Variants in KNOP1 observed in about 807,000 individuals in gnomAD.
The protein encoded by KNOP1 is lysine-rich nucleolar protein 1.
Under a neutral mutation model 30.6 loss-of-function variants are expected in KNOP1, and 20 were observed. The observed-to-expected ratio is 0.65, with a 90% CI of 0.46 to 0.95. KNOP1 has a LOEUF of 0.95. Ranked by LOEUF, KNOP1 falls within the 40% of genes least tolerant of loss-of-function variation. The pLI is 0.00. For synonymous variants in KNOP1, 204 were observed against 210.0 expected (o/e 0.97, Z 0.25); for missense variants, 540 against 562.0 (o/e 0.96, Z 0.40).
chr16:19,708,434 G>C (rs144644871), intron 4 of KNOP1, among the ~76,000 whole-genome samples: 43 of 151,742 alleles, frequency 2.8e-4, no homozygotes, highest in Non-Finnish European at 4.9e-4. Context: ...CCCTGCTCAA[G>C]TCCCCTAACC....
intron 1 of KNOP1, chr16:19,717,467 A>T (rs1977216320): frequency 1.0e-6 from 1 of 985,366 alleles, no homozygotes; most frequent in African/African-American, 1.7e-5. Flanking sequence ...ACTTCAGAAT[A>T]GGGGAGTGGC....
chr16:19,707,789 C>T (rs1395301681), intron 4 of KNOP1, among the ~76,000 whole-genome samples: 2 of 132,736 alleles, frequency 1.5e-5, no homozygotes, highest in Non-Finnish European at 3.2e-5. Context: ...CCTCCCACCA[C>T]GCTACACAGC....
chr16:19,718,201 C>T lies in KNOP1; in HGVS notation c.-46G>A. 2.0e-6 allele frequency: 3 copies of T among 1,516,076 alleles called. No homozygotes were observed. Among genetic ancestry groups the T allele is most frequent in the Non-Finnish European group, 2.6e-6 (3 of 1,135,900 alleles). The allele number at this position is 1,516,076 out of a possible 1,614,324, so 93.9% of individuals were successfully genotyped here. A position where few individuals can be genotyped will look rare whatever the true frequency, so the allele number is the denominator to read the frequency against. On this transcript the variant is annotated 5_prime_UTR_variant, in exon 1 of 5. Transcript: ENST00000219837. ...CGCCTCCACGTGAGAGCCAGCTCCG[C>T]CGTGACCCGGAAGTCCACTTCGAGT...
At chr16:19,717,983 C>A (rs1176583955) in intron 1 of KNOP1, 175 bp downstream of exon 1, 2 of 1,296,264 alleles carry the variant, frequency 1.5e-6, no homozygotes, top group Non-Finnish European at 2.0e-6. Flanking sequence ...GGCTCTGAGG[C>A]GGGAAAACTT....
At position 19,702,648 on chromosome 16, in the gene KNOP1, T is replaced by TATCA. The variant is rs1034220588; in HGVS notation, c.*4258_*4261dup. ...ACACTGGTCTATGTGAGATGAAGTC[T>TATCA]ATCATTAGCAAGGATGGAGCAATAA... On this transcript the variant is annotated 3_prime_UTR_variant, in exon 5 of 5. Coordinates refer to ENST00000219837, the MANE Select transcript of KNOP1 (RefSeq NM_001012991.3). 1.3e-5 allele frequency: 2 copies of TATCA among 152,198 alleles called. No individual in the cohort carries two copies. Among genetic ancestry groups the TATCA allele is most frequent in the African/African-American group, 4.8e-5 (2 of 41,452 alleles). The allele number at this position is 152,198 out of a possible 1,614,324, so 9.4% of individuals were successfully genotyped here.
chr16:19,717,264 C>T lies in KNOP1; in HGVS notation c.-3+894G>A, dbSNP rs996356408. 12 of 968,522 alleles carry T rather than the reference C, an allele frequency of 1.2e-5. No homozygotes were observed. In the African/African-American group the frequency reaches 2.1e-4, roughly 17 times the overall value. The allele number at this position is 968,522 out of a possible 1,614,324, so 60.0% of individuals were successfully genotyped here. A position where few individuals can be genotyped will look rare whatever the true frequency, so the allele number is the denominator to read the frequency against. ...ACTGGGGGTTTAGGAACGTACTGCC[C>T]GCGGATAATGGGGGAGGGGGACTAT... On this transcript the variant is annotated intron_variant, in intron 1 of 4. Transcript: ENST00000219837.
chr16:19,715,949 C>T (rs1222249315), intron 1 of KNOP1, among the ~76,000 whole-genome samples: 2 of 152,114 alleles, frequency 1.3e-5, no homozygotes, highest in African/African-American at 4.8e-5. Flanking sequence ...AGCAAAATAT[C>T]CCAAAATATT....
intron 3 of KNOP1, 147 bp from the exon 4 acceptor site, chr16:19,710,733 C>G (rs922167876): frequency 9.8e-5 from 66 of 675,794 alleles, no homozygotes; most frequent in Non-Finnish European, 1.6e-4. Flanking sequence ...AAGCTGCTAT[C>G]ATAAGTATTC....
At chr16:19,709,410 C>G (rs922565366) in intron 4 of KNOP1, among the ~76,000 whole-genome samples, 1 of 152,242 alleles carries the variant, frequency 6.6e-6, no homozygotes, top group South Asian at 2.1e-4. Flanking sequence ...AATCACAAAG[C>G]TGTTTTCTCT....
chr16:19,712,417 TTA>T (rs1380061912), intron 2 of KNOP1, among the ~76,000 whole-genome samples: 2 of 152,240 alleles, frequency 1.3e-5, no homozygotes, highest in African/African-American at 4.8e-5. Flanking sequence ...AATCTGGGGT[TTA>T]TGCTAATGGA....
At position 19,707,022 on chromosome 16, in the gene KNOP1, C is replaced by G. The variant is rs563764304; in HGVS notation, c.1265G>C (p.Arg422Pro). Residue 422 changes from arginine (R) to proline (P), a missense_variant, in exon 5 of 5, where the codon CGG (arginine) becomes CCG (proline). Coordinates refer to ENST00000219837, the MANE Select transcript of KNOP1 (RefSeq NM_001012991.3). Reference protein sequence around the residue: ...LQQNLQRDYDRAMSWKYSRGA... With the variant: ...LQQNLQRDYDPAMSWKYSRGA... ...CCGGCTGTACTTCCAGCTCATGGCC[C>G]GGTCGTAGTCCCGCTGCAGATTCTG... 5 of 1,613,998 alleles carry G rather than the reference C, an allele frequency of 3.1e-6. No homozygotes were observed. The South Asian group carries it at 3.3e-5, about 11-fold the overall frequency.
At chr16:19,718,137 G>A in intron 1 of KNOP1, 21 bp downstream of exon 1, 2 of 1,446,720 alleles carry the variant, frequency 1.4e-6, no homozygotes, top group South Asian at 1.4e-5. Context: ...CGGCCCGCCT[G>A]CAACGCGCCC....
chr16:19,712,367 T>G (rs1267092134), intron 2 of KNOP1, among the ~76,000 whole-genome samples: 1 of 152,062 alleles, frequency 6.6e-6, no homozygotes, highest in Non-Finnish European at 1.5e-5. Context: ...CAATGGGTGG[T>G]CCAAGGTCAC....
At chr16:19,710,679 C>A in intron 3 of KNOP1, 93 bp from the exon 4 acceptor site, 1 of 1,003,116 alleles carries the variant, frequency 1.0e-6, no homozygotes, top group Non-Finnish European at 1.6e-6. Context: ...GGGAACGGAA[C>A]GTGGGAGGAA....
intron 1 of KNOP1, among the ~76,000 whole-genome samples, chr16:19,716,037 G>A (rs933427471): frequency 6.6e-6 from 1 of 152,220 alleles, no homozygotes; most frequent in Non-Finnish European, 1.5e-5. Context: ...GGAACTCAGA[G>A]GGTCCACACT....
chr16:19,703,534 C>G lies in KNOP1; in HGVS notation c.*3376G>C, dbSNP rs1469415019. On this transcript the variant is annotated 3_prime_UTR_variant, in exon 5 of 5. Coordinates refer to ENST00000219837, the MANE Select transcript of KNOP1 (RefSeq NM_001012991.3). ...GGAAGGGGTGTTATTCTGCCAACTT[C>G]TTTTGTGAGGACTGTGTCTATTTGG... 1 of 151,378 alleles carries G rather than the reference C, an allele frequency of 6.6e-6. No homozygotes were observed. Among genetic ancestry groups the G allele is most frequent in the Non-Finnish European group, 1.5e-5 (1 of 67,936 alleles). 9.4% of individuals were successfully genotyped at this position (151,378 alleles called of 1,614,324 possible).
rs746330164 is a variant in KNOP1 at position 19,714,976 on chromosome 16, TTTC to T, written c.57_59del (p.Lys20del). 6.9e-6 allele frequency: 11 copies of T among 1,592,966 alleles called. No homozygotes were observed. Among genetic ancestry groups the T allele is most frequent in the East Asian group, 2.2e-5 (1 of 44,824 alleles). The stretch of plus-strand genomic sequence containing the variant: ...ATCGAGTCTCTGGTTCTTTGACCAC[TTTC>T]TTCTTCTTTTTCTTCTCTGGGAGCC... On this transcript the variant is annotated inframe_deletion, in exon 2 of 5. Transcript: ENST00000219837.
In KNOP1 at chr16:19,707,011, A is replaced by G; in HGVS notation, c.1276T>C (p.Trp426Arg). The G allele has an allele frequency of 1.2e-6, 2 of 1,614,142 alleles. No homozygotes were observed. Among genetic ancestry groups the G allele is most frequent in the Non-Finnish European group, 1.7e-6 (2 of 1,180,036 alleles). Residue 426 changes from tryptophan to arginine, a missense_variant, in exon 5 of 5, where the codon TGG becomes CGG. Transcript: ENST00000219837. Reference protein sequence around the residue: ...LQRDYDRAMSWKYSRGAGLGF... With the variant: ...LQRDYDRAMSRKYSRGAGLGF... ...AGGCCGGCTCCCCGGCTGTACTTCC[A>G]GCTCATGGCCCGGTCGTAGTCCCGC...
At chr16:19,718,040 G>A (rs1417395009) in intron 1 of KNOP1, 118 bp downstream of exon 1, 13 of 1,394,694 alleles carry the variant, frequency 9.3e-6, no homozygotes, top group Non-Finnish European at 1.1e-5. Context: ...ACCGACTGGA[G>A]GGGTCGGATT....
Sources: allele counts gnomAD v4.1 joint callset (sites outside exome capture counted in the v4.1 genomes callset), GRCh38; gene constraint gnomAD v4.1.1; transcripts MANE v1.5; gene names NCBI Gene and HGNC (gene_info 2026-07-23, HGNC 2026-07-21).